BLCAP: variants seen among roughly 807,000 people sequenced by gnomAD.
BLCAP encodes apoptosis inducing factor BLCAP.
In BLCAP, 1 loss-of-function variant was observed where a neutral mutation model predicts 5.7. The ratio of observed to expected loss-of-function variants is 0.18; its 90% confidence interval spans 0.06 to 0.83. The LOEUF is 0.83. BLCAP is among the 40% of genes least tolerant of loss of function. The pLI, the probability that BLCAP is intolerant of heterozygous loss-of-function variation, is 0.71. For synonymous variants in BLCAP, 48 were observed against 49.4 expected (o/e 0.97, Z 0.11); for missense variants, 66 against 107.6 (o/e 0.61, Z 1.71).
intron 1 of BLCAP, chr20:37,527,444 G>A: frequency 6.8e-6 from 1 of 148,060 alleles, no homozygotes; most frequent in Non-Finnish European, 1.5e-5. Context: ...GCACCCTGCC[G>A]TGGAACCCGG....
chr20:37,522,568 CGGGCGGGGCAGG>C, intron 1 of BLCAP: 1 of 588,262 alleles, frequency 1.7e-6, no homozygotes. Flanking sequence ...GCTGGATGGG[CGGGCGGGGCAGG>C]GGGTGGGGCG....
chr20:37,523,186 G>T, intron 1 of BLCAP: 1 of 163,928 alleles, frequency 6.1e-6, no homozygotes, highest in East Asian at 1.8e-4. Flanking sequence ...CCGACGCCCT[G>T]AATCTTGGTG....
chr20:37,522,737 G>C, intron 1 of BLCAP: 1 of 1,607,756 alleles, frequency 6.2e-7, no homozygotes, highest in Non-Finnish European at 8.5e-7. Context: ...TTGGGGGAGC[G>C]CAGGCAGCGA....
intron 1 of BLCAP, among the ~76,000 whole-genome samples, chr20:37,525,331 T>G (rs532571786): frequency 6.6e-6 from 1 of 152,112 alleles, no homozygotes; most frequent in Non-Finnish European, 1.5e-5. Flanking sequence ...TTCAGGGAGG[T>G]AGGCCAAAGC....
At chr20:37,524,257 C>G (rs936734278) in intron 1 of BLCAP, 2 of 152,352 alleles carry the variant, frequency 1.3e-5, no homozygotes, top group African/African-American at 4.8e-5. Flanking sequence ...CAAAGACAAT[C>G]TGCCTGGCCT....
At chr20:37,522,437 A>C (rs751037692) in intron 1 of BLCAP, 1 of 1,613,280 alleles carries the variant, frequency 6.2e-7, no homozygotes, top group Non-Finnish European at 8.5e-7. Context: ...GCGAGAAGTG[A>C]GGTATACCTA....
chr20:37,519,017 G>A lies in BLCAP; in HGVS notation c.158C>T (p.Ala53Val). The change falls in exon 2 of 2, where the codon GCC becomes GTC. Residue 53 changes from alanine (A) to valine (V), a missense_variant. Ala to Val is a moderately conservative substitution (Grantham distance 64). Transcript: ENST00000373537. The part of the protein sequence containing the change: ...CTICALVFLA[A>V]LFLICYSCWG... Reference sequence around the variant, plus strand: ...GCAGCTATAGCAGATAAGGAACAGGGCTGCCAGGAAAACCAAGGCACAAAT... The same window carrying A: ...GCAGCTATAGCAGATAAGGAACAGGACTGCCAGGAAAACCAAGGCACAAAT... 6.2e-7 allele frequency: 1 copy of A among 1,614,240 alleles called. No individual in the cohort carries two copies. Among genetic ancestry groups the A allele is most frequent in the Non-Finnish European group, 8.5e-7 (1 of 1,180,036 alleles).
Position 37,521,236 on chromosome 20 carries a change from A to T in BLCAP, c.-176-1886T>A. ...GCGGGCGGGTACTTAAGGCGCGGCCACCGCGGCTGCGGCAGTGCGCCCAAC... is the reference window on the plus strand; with the variant it reads ...GCGGGCGGGTACTTAAGGCGCGGCCTCCGCGGCTGCGGCAGTGCGCCCAAC... On this transcript the variant is annotated intron_variant, in intron 1 of 1. Transcript: ENST00000373537. The surrounding 1 kb of genome is among the most constrained non-coding windows in gnomAD (Gnocchi z 4.5). 1 of 1,326,952 alleles carries T rather than the reference A, an allele frequency of 7.5e-7. No individual in the cohort carries two copies. Among genetic ancestry groups the T allele is most frequent in the Non-Finnish European group, 1.1e-6 (1 of 923,424 alleles). 82.2% of individuals were successfully genotyped at this position (1,326,952 alleles called of 1,614,324 possible).
In BLCAP at chr20:37,521,116, G is replaced by A. The variant is rs1211688969; in HGVS notation, c.-176-1766C>T. 2 of 609,032 alleles carry A rather than the reference G, an allele frequency of 3.3e-6. No individual in the cohort carries two copies. The highest frequency in any genetic ancestry group is 2.8e-5 in the East Asian group (1 of 36,010). The allele number at this position is 609,032 out of a possible 1,614,324, so 37.7% of individuals were successfully genotyped here. Reference sequence around the variant, plus strand: ...GGCGGGGGTCGGTATGGAAAGAGCAGATGGATTATTTTTTTCCTCTCCTGG... The same window carrying A: ...GGCGGGGGTCGGTATGGAAAGAGCAAATGGATTATTTTTTTCCTCTCCTGG... On this transcript the variant is annotated intron_variant, in intron 1 of 1. Coordinates refer to ENST00000373537, the MANE Select transcript of BLCAP (RefSeq NM_006698.4). This position sits in a 1 kb window ranked among gnomAD's most constrained non-coding sequence, Gnocchi z 4.5.
At chr20:37,522,814 G>A (rs560845323) in intron 1 of BLCAP, 1 of 1,476,250 alleles carries the variant, frequency 6.8e-7, no homozygotes, top group East Asian at 2.5e-5. Flanking sequence ...TGTGCATCTC[G>A]GCCAGCACGG....
At chr20:37,522,671 T>G (rs201272163) in intron 1 of BLCAP, 6 of 1,611,236 alleles carry the variant, frequency 3.7e-6, no homozygotes, top group Non-Finnish European at 4.2e-6. Context: ...TCGCAGGTGT[T>G]CAGGTACTCC....
In BLCAP at chr20:37,521,938, A is replaced by G. The variant is rs2071592035; in HGVS notation, c.-176-2588T>C. Among the ~76,000 whole-genome samples, 1 of 151,770 alleles carries G rather than the reference A, an allele frequency of 6.6e-6. No homozygotes were observed. Among genetic ancestry groups the G allele is most frequent in the South Asian group, 2.1e-4 (1 of 4,834 alleles). On this transcript the variant is annotated intron_variant, in intron 1 of 1. Coordinates refer to ENST00000373537, the MANE Select transcript of BLCAP (RefSeq NM_006698.4). This position sits in a 1 kb window ranked among gnomAD's most constrained non-coding sequence, Gnocchi z 4.5. The stretch of plus-strand genomic sequence containing the variant: ...AAAAACCCTACAACGAATTAGAGAA[A>G]AAGTAGTTCACAGGAAAACAGAAAA...
chr20:37,521,485 T>C lies in BLCAP; in HGVS notation c.-176-2135A>G, dbSNP rs2071570611. On this transcript the variant is annotated intron_variant, in intron 1 of 1. Coordinates refer to ENST00000373537, the MANE Select transcript of BLCAP (RefSeq NM_006698.4). This position sits in a 1 kb window ranked among gnomAD's most constrained non-coding sequence, Gnocchi z 4.5. Reference sequence around the variant, plus strand: ...CGCAAGACTGCGTCGCGATTGCCGCTTCCCGGACCCGTCCTATTCCGATTG... The same window carrying C: ...CGCAAGACTGCGTCGCGATTGCCGCCTCCCGGACCCGTCCTATTCCGATTG... 1 of 1,366,540 alleles carries C rather than the reference T, an allele frequency of 7.3e-7. No homozygotes were observed. Among genetic ancestry groups the C allele is most frequent in the Admixed American group, 1.7e-5 (1 of 59,438 alleles). 84.7% of individuals were successfully genotyped at this position (1,366,540 alleles called of 1,614,324 possible). A position where few individuals can be genotyped will look rare whatever the true frequency, so the allele number is the denominator to read the frequency against.
At position 37,521,639 on chromosome 20, in the gene BLCAP, C is replaced by T; in HGVS notation, c.-176-2289G>A. 1.9e-6 allele frequency: 1 copy of T among 530,196 alleles called. No homozygotes were observed. Among genetic ancestry groups the T allele is most frequent in the Non-Finnish European group, 3.4e-6 (1 of 295,890 alleles). The allele number at this position is 530,196 out of a possible 1,614,324, so 32.8% of individuals were successfully genotyped here. A position where few individuals can be genotyped will look rare whatever the true frequency, so the allele number is the denominator to read the frequency against. ...TGCCAGGGAACAAAGACTCGGGGCG[C>T]GGCGGGCGACCGCTGCGGACGATCA... is the stretch of plus-strand genomic sequence containing the variant. On this transcript the variant is annotated intron_variant, in intron 1 of 1. Transcript: ENST00000373537. This position sits in a 1 kb window ranked among gnomAD's most constrained non-coding sequence, Gnocchi z 4.5.
At chr20:37,522,598 G>GGGGGGGGGGGGGGGGTGCC in intron 1 of BLCAP, 1 of 864,476 alleles carries the variant, frequency 1.2e-6, no homozygotes, top group African/African-American at 1.8e-5. Flanking sequence ...GCGGGGGTGG[G>GGGGGGGGGGGGGGGGTGCC]CACGGCAGCA....
intron 1 of BLCAP, chr20:37,522,598 G>GGGGGGGGGGGGGGGTGCC: frequency 1.2e-6 from 1 of 864,466 alleles, no homozygotes. Flanking sequence ...GCGGGGGTGG[G>GGGGGGGGGGGGGGGTGCC]CACGGCAGCA....
rs2071560805 is a variant in BLCAP at position 37,521,340 on chromosome 20, A to G, written c.-176-1990T>C. 1.2e-6 allele frequency: 2 copies of G among 1,614,038 alleles called. No homozygotes were observed. Among genetic ancestry groups the G allele is most frequent in the African/African-American group, 1.3e-5 (1 of 75,046 alleles). On this transcript the variant is annotated intron_variant, in intron 1 of 1. Coordinates refer to ENST00000373537, the MANE Select transcript of BLCAP (RefSeq NM_006698.4). The surrounding 1 kb of genome is among the most constrained non-coding windows in gnomAD (Gnocchi z 4.5). Reference sequence around the variant, plus strand: ...CTACCATTCTTGGAACCATGGCGGCAGTGGCGGCGGCCTCGGCTGAACTGC... The same window carrying G: ...CTACCATTCTTGGAACCATGGCGGCGGTGGCGGCGGCCTCGGCTGAACTGC...
Position 37,521,640 on chromosome 20 carries a change from G to A in BLCAP, c.-176-2290C>T. Reference sequence around the variant, plus strand: ...GCCAGGGAACAAAGACTCGGGGCGCGGCGGGCGACCGCTGCGGACGATCAC... The same window carrying A: ...GCCAGGGAACAAAGACTCGGGGCGCAGCGGGCGACCGCTGCGGACGATCAC... On this transcript the variant is annotated intron_variant, in intron 1 of 1. Coordinates refer to ENST00000373537, the MANE Select transcript of BLCAP (RefSeq NM_006698.4). The surrounding 1 kb of genome is among the most constrained non-coding windows in gnomAD (Gnocchi z 4.5). The A allele has an allele frequency of 3.7e-6, 2 of 535,842 alleles. No individual in the cohort carries two copies. Among genetic ancestry groups the A allele is most frequent in the Non-Finnish European group, 6.7e-6 (2 of 299,038 alleles). The allele number at this position is 535,842 out of a possible 1,614,324, so 33.2% of individuals were successfully genotyped here.
At position 37,519,267 on chromosome 20, in the gene BLCAP, C is replaced by G; in HGVS notation, c.-93G>C. ...CCAGCGGGCGCAGGCGGCTGCCCTC[C>G]GCTTTCTTCAACCCTCACTCTCCAG... On this transcript the variant is annotated 5_prime_UTR_variant, in exon 2 of 2. Coordinates refer to ENST00000373537, the MANE Select transcript of BLCAP (RefSeq NM_006698.4). The G allele has an allele frequency of 7.0e-7, 1 of 1,427,300 alleles. No individual in the cohort carries two copies. Among genetic ancestry groups the G allele is most frequent in the Non-Finnish European group, 9.4e-7 (1 of 1,069,254 alleles). 88.4% of individuals were successfully genotyped at this position (1,427,300 alleles called of 1,614,324 possible). A position where few individuals can be genotyped will look rare whatever the true frequency, so the allele number is the denominator to read the frequency against.
Sources: allele counts gnomAD v4.1 joint callset (sites outside exome capture counted in the v4.1 genomes callset), GRCh38; gene constraint gnomAD v4.1.1; non-coding constraint Gnocchi (gnomAD v3.1); transcripts MANE v1.5; gene names NCBI Gene and HGNC (gene_info 2026-07-23, HGNC 2026-07-21).